Variants in GAA observed in about 807,000 individuals in gnomAD.
GAA encodes the protein lysosomal alpha-glucosidase.
A neutral mutation model predicts 103.9 loss-of-function variants in GAA; 88 were observed. The observed-to-expected ratio is 0.85, with a 90% CI of 0.71 to 1.01. The LOEUF is 1.01. Ranked by LOEUF, GAA falls within the 50% of genes least tolerant of loss-of-function variation. The probability of loss-of-function intolerance (pLI) is 0.00; values close to 1 mark genes in which losing one functional copy is unlikely to be tolerated. For synonymous variants in GAA, 572 were observed against 563.1 expected (o/e 1.02, Z -0.22); for missense variants, 1,350 against 1,305.3 (o/e 1.03, Z -0.53).
At chr17:80,109,418 G>A (rs1292936528) in intron 8 of GAA, among the ~76,000 whole-genome samples, 3 of 152,224 alleles carry the variant, frequency 2.0e-5, no homozygotes, top group Admixed American at 6.5e-5. Flanking sequence ...GGTCCAGCCC[G>A]AGTCTGGTGT....
intron 15 of GAA, among the ~76,000 whole-genome samples, chr17:80,115,483 T>G (rs1401133505): frequency 1.3e-5 from 2 of 152,214 alleles, no homozygotes; most frequent in Non-Finnish European, 2.9e-5. Flanking sequence ...ACACTTTCCT[T>G]TAGTTCTTCA....
intron 8 of GAA, among the ~76,000 whole-genome samples, chr17:80,109,333 A>T (rs934971421): frequency 6.6e-6 from 1 of 151,988 alleles, no homozygotes; most frequent in Non-Finnish European, 1.5e-5. Flanking sequence ...CCAAAGCAGG[A>T]CTCTTGAGTC....
rs1126690 is a variant in GAA at position 80,117,606 on chromosome 17, G to A, written c.2338G>A (p.Val780Ile). Residue 780 changes from valine to isoleucine, a missense_variant, in exon 17 of 20, where the codon GTA (valine) becomes ATA (isoleucine). By Grantham distance (29) the Val-to-Ile change is conservative. Transcript: ENST00000302262. ...AAGCAACATCTCCCTCCAGGTGCCAGTAGAGGCCCTTGGCAGCCTCCCACC... is the reference window on the plus strand; with the variant it reads ...AAGCAACATCTCCCTCCAGGTGCCAATAGAGGCCCTTGGCAGCCTCCCACC... The part of the protein sequence containing the change: ...GTWYDLQTVP[V>I]EALGSLPPPP... 1,193,117 of 1,612,384 alleles carry A rather than the reference G, an allele frequency of 0.74. 443,929 individuals carry two copies. Among genetic ancestry groups the A allele is most frequent in the Middle Eastern group, 0.82 (4,986 of 6,052 alleles).
intron 16 of GAA, 68 bp downstream of exon 16, chr17:80,117,177 AC>A: frequency 5.8e-6 from 9 of 1,542,482 alleles, no homozygotes; most frequent in Non-Finnish European, 8.0e-6. Context: ...TGCCCCCTCC[AC>A]CCAGTTGGTG....
chr17:80,107,623 C>T lies in GAA; in HGVS notation c.759C>T (p.Pro253=), dbSNP rs1352216789. The T allele has an allele frequency of 1.2e-6, 2 of 1,613,232 alleles. No homozygotes were observed. Among genetic ancestry groups the T allele is most frequent in the Non-Finnish European group, 1.7e-6 (2 of 1,179,906 alleles). Residue 253 remains proline, a synonymous_variant, in exon 4 of 20, where the codon CCC becomes CCT. Transcript: ENST00000302262. ...DQFLQLSTSL[P]SQYITGLAEH... is the part of the protein sequence containing the mutation. ...TCCTTCAGCTGTCCACCTCGCTGCC[C>T]TCGCAGTATATCACAGGCCTCGCCG... is the stretch of plus-strand genomic sequence containing the variant.
At chr17:80,105,606 G>A in intron 2 of GAA, 143 bp from the exon 3 acceptor site, 1 of 984,964 alleles carries the variant, frequency 1.0e-6, no homozygotes, top group Non-Finnish European at 1.6e-6. Context: ...AGGGAGCCGA[G>A]GCTCAGAGAG....
Position 80,107,638 on chromosome 17 carries a change from A to C in GAA, c.774A>C (p.Thr258=), listed in dbSNP as rs753112231. 6.2e-7 allele frequency: 1 copy of C among 1,613,114 alleles called. No individual in the cohort carries two copies. The highest frequency in any genetic ancestry group is 1.3e-5 in the African/African-American group (1 of 75,028). Residue 258 remains threonine, a synonymous_variant, in exon 4 of 20, where the codon ACA becomes ACC. Coordinates refer to ENST00000302262, the MANE Select transcript of GAA (RefSeq NM_000152.5). ...LSTSLPSQYI[T]GLAEHLSPLM... ...CCTCGCTGCCCTCGCAGTATATCAC[A>C]GGCCTCGCCGAGCACCTCAGTCCCC...
Position 80,119,397 on chromosome 17 carries a change from G to A in GAA, c.*66G>A, listed in dbSNP as rs908570853. The A allele has an allele frequency of 1.4e-5, 19 of 1,394,562 alleles. No homozygotes were observed. Among genetic ancestry groups the A allele is most frequent in the East Asian group, 4.6e-5 (2 of 43,750 alleles). The allele number at this position is 1,394,562 out of a possible 1,614,324, so 86.4% of individuals were successfully genotyped here. ...CCCCAGGGAAGCAGAGCCTGTGTGCGGGCAGCAGCTGTGTGCGGGCCTGGG... is the reference window on the plus strand; with the variant it reads ...CCCCAGGGAAGCAGAGCCTGTGTGCAGGCAGCAGCTGTGTGCGGGCCTGGG... On this transcript the variant is annotated 3_prime_UTR_variant, in exon 20 of 20. Coordinates refer to ENST00000302262, the MANE Select transcript of GAA (RefSeq NM_000152.5).
intron 2 of GAA, 53 bp from the exon 3 acceptor site, chr17:80,105,696 T>C (rs2039065898): frequency 6.2e-7 from 1 of 1,604,374 alleles, no homozygotes; most frequent in African/African-American, 1.3e-5. Context: ...CGGGTTGTTC[T>C]CTGGAGAGTA....
rs761409404 is a variant in GAA at position 80,104,900 on chromosome 17, C to T, written c.314C>T (p.Ala105Val). Residue 105 changes from alanine to valine, a missense_variant, in exon 2 of 20, where the codon GCC becomes GTC. Ala to Val is a moderately conservative substitution (Grantham distance 64). Coordinates refer to ENST00000302262, the MANE Select transcript of GAA (RefSeq NM_000152.5). The surrounding 1 kb of genome is among the most constrained non-coding windows in gnomAD (Gnocchi z 4.0). Reference protein sequence around the residue: ...DKAITQEQCEARGCCYIPAKQ... With the variant: ...DKAITQEQCEVRGCCYIPAKQ... ...GCCATCACCCAGGAACAGTGCGAGG[C>T]CCGCGGCTGTTGCTACATCCCTGCA... is the stretch of plus-strand genomic sequence containing the variant. The T allele has an allele frequency of 5.6e-6, 9 of 1,612,378 alleles. No individual in the cohort carries two copies. Among genetic ancestry groups the T allele is most frequent in the Non-Finnish European group, 6.8e-6 (8 of 1,179,820 alleles).
At chr17:80,114,654 G>A (rs1368283389) in intron 15 of GAA, among the ~76,000 whole-genome samples, 1 of 151,914 alleles carries the variant, frequency 6.6e-6, no homozygotes, top group African/African-American at 2.4e-5. Context: ...CAAATAGGAG[G>A]GAAAAATGGG....
chr17:80,102,379 A>G (rs2038974642), intron 1 of GAA: 1 of 152,254 alleles, frequency 6.6e-6, no homozygotes, highest in Non-Finnish European at 1.5e-5. Flanking sequence ...GTGATGAGAG[A>G]GCCTTTTGCT....
chr17:80,116,824 C>T, intron 15 of GAA, 144 bp from the exon 16 acceptor site: 1 of 847,396 alleles, frequency 1.2e-6, no homozygotes, highest in Non-Finnish European at 2.0e-6. Context: ...CCCTGCCCGT[C>T]TGACCTGAGT....
In GAA at chr17:80,108,747, G is replaced by A. The variant is rs760920034; in HGVS notation, c.1245G>A (p.Thr415=). 52 of 1,612,088 alleles carry A rather than the reference G, an allele frequency of 3.2e-5. No individual in the cohort carries two copies. Among genetic ancestry groups the A allele is most frequent in the Middle Eastern group, 1.7e-4 (1 of 6,060 alleles). The change falls in exon 8 of 20, where the codon ACG becomes ACA. Residue 415 remains threonine, a synonymous_variant. Transcript: ENST00000302262. ...LDYMDSRRDF[T]FNKDGFRDFP... The stretch of plus-strand genomic sequence containing the variant: ...ACATGGACTCCCGGAGGGACTTCAC[G>A]TTCAACAAGGATGGCTTCCGGGACT...
rs140376273 is a variant in GAA, at chr17:80,113,338, G to C, written c.2161G>C (p.Glu721Gln). 23 of 1,593,596 alleles carry C rather than the reference G, an allele frequency of 1.4e-5. No individual in the cohort carries two copies. In the African/African-American group the frequency reaches 2.8e-4, roughly 19 times the overall value. ...GTTCCACCAGGCCCACGTCGCGGGG[G>C]AGACCGTGGCCCGGCCCCTCTTCCT... ...TLFHQAHVAG[E>Q]TVARPLFLEF... Residue 721 changes from glutamate (E) to glutamine (Q), a missense_variant, in exon 15 of 20, where the codon GAG becomes CAG. Glu to Gln is a conservative substitution (Grantham distance 29). Transcript: ENST00000302262.
In GAA at chr17:80,104,179, G is replaced by A. The variant is rs571310230; in HGVS notation, c.-32-376G>A. 4.5e-4 allele frequency among the ~76,000 whole-genome samples: 68 copies of A among 152,300 alleles called. No individual in the cohort carries two copies. The highest frequency in any genetic ancestry group is 1.6e-3 in the African/African-American group (67 of 41,566). On this transcript the variant is annotated intron_variant, in intron 1 of 19. Transcript: ENST00000302262. The surrounding 1 kb of genome is among the most constrained non-coding windows in gnomAD (Gnocchi z 4.0). ...CTCAGGAGGCTGAAGTGGGAGGATT[G>A]CTTGAGTCTGGGAGGTGGAGGTTGC...
At position 80,108,383 on chromosome 17, in the gene GAA, T is replaced by C. The variant is rs2039144934; in HGVS notation, c.1049T>C (p.Val350Ala). 1 of 1,613,362 alleles carries C rather than the reference T, an allele frequency of 6.2e-7. No individual in the cohort carries two copies. Among genetic ancestry groups the C allele is most frequent in the South Asian group, 1.1e-5 (1 of 91,092 alleles). ...YIFLGPEPKS[V>A]VQQYLDVVGY... ...TTCCTGGGCCCAGAGCCCAAGAGCG[T>C]GGTGCAGCAGTACCTGGACGTTGTG... Residue 350 changes from valine (V) to alanine (A), a missense_variant, in exon 6 of 20, where the codon GTG becomes GCG. Transcript: ENST00000302262.
At chr17:80,106,616 T>C (rs2039095470) in intron 3 of GAA, among the ~76,000 whole-genome samples, 1 of 152,084 alleles carries the variant, frequency 6.6e-6, no homozygotes, top group South Asian at 2.1e-4. Flanking sequence ...CCAAGAGAAG[T>C]TTCTCAAAGC....
In GAA at chr17:80,112,026, C is replaced by T. The variant is rs2143882734; in HGVS notation, c.1680C>T (p.Ser560=). 6.2e-7 allele frequency: 1 copy of T among 1,614,014 alleles called. No homozygotes were observed. Among genetic ancestry groups the T allele is most frequent in the South Asian group, 1.1e-5 (1 of 91,088 alleles). ...TCCAGGCGGCCACCATCTGTGCCTC[C>T]AGCCACCAGTTTCTCTCCACACACT... is the stretch of plus-strand genomic sequence containing the variant. The part of the protein sequence containing the change: ...GTLQAATICA[S]SHQFLSTHYN... The change falls in exon 12 of 20, where the codon TCC becomes TCT. Residue 560 remains serine (S), a synonymous_variant. Transcript: ENST00000302262.
Sources: gnomAD v4.1 joint callset for allele counts (sites outside exome capture counted in the v4.1 genomes callset) on GRCh38, gnomAD v4.1.1 for gene constraint, Gnocchi (gnomAD v3.1) non-coding constraint, MANE v1.5 for transcripts, NCBI Gene and HGNC (gene_info 2026-07-23, HGNC 2026-07-21) for gene names.